Variants in ENO4 observed in about 807,000 individuals in gnomAD.
The protein encoded by ENO4 is 2-phospho-D-glycerate hydro-lyase.
Under a neutral mutation model 63.2 loss-of-function variants are expected in ENO4, and 53 were observed. The observed-to-expected ratio is 0.84, with a 90% CI of 0.67 to 1.05. The LOEUF (loss-of-function observed/expected upper bound fraction) is 1.05. ENO4 is among the 50% of genes least tolerant of loss of function. The pLI is 0.00. For missense variants in ENO4, 719 were observed against 772.0 expected (o/e 0.93, Z 0.81); for synonymous variants, 266 against 283.8 (o/e 0.94, Z 0.63).
chr10:116,906,664 C>A (rs1417621744), intron 10 of ENO4: 4 of 1,613,412 alleles, frequency 2.5e-6, no homozygotes, highest in Non-Finnish European at 2.5e-6. Flanking sequence ...TTCTGCGACG[C>A]AAAATCCTTT....
chr10:116,874,784 T>G (rs917227495), intron 10 of ENO4, among the ~76,000 whole-genome samples: 1 of 152,190 alleles, frequency 6.6e-6, no homozygotes, highest in African/African-American at 2.4e-5. Flanking sequence ...GTGATTCTCC[T>G]GCCTCAGCCT....
At chr10:116,906,468 A>G (rs1365390660) in intron 10 of ENO4, among the ~76,000 whole-genome samples, 1 of 152,252 alleles carries the variant, frequency 6.6e-6, no homozygotes, top group African/African-American at 2.4e-5. Context: ...TTCTTATGAG[A>G]TATCCATAAA....
intron 10 of ENO4, among the ~76,000 whole-genome samples, chr10:116,897,922 T>C (rs1847578940): frequency 6.6e-6 from 1 of 152,184 alleles, no homozygotes; most frequent in Non-Finnish European, 1.5e-5. Context: ...GTCTACAGGC[T>C]TTTATTGATT....
At chr10:116,896,906 A>C (rs1847542470) in intron 10 of ENO4, among the ~76,000 whole-genome samples, 1 of 151,134 alleles carries the variant, frequency 6.6e-6, no homozygotes, top group Non-Finnish European at 1.5e-5. Context: ...TCCTGGGTTC[A>C]AGCAATTCTC....
Position 116,874,066 on chromosome 10 carries a change from C to G in ENO4, c.1216-10C>G, listed in dbSNP as rs987055986. On this transcript the variant is annotated splice_polypyrimidine_tract_variant and intron_variant, in intron 9 of 13. Coordinates refer to ENST00000341276, the MANE Select transcript of ENO4 (RefSeq NM_001242699.2). ...ATCCCTTATTTTAATATTTTCCTGA[C>G]ACATATCAGAATAAAGGAAAGTATG... 2 of 1,531,616 alleles carry G rather than the reference C, an allele frequency of 1.3e-6. No individual in the cohort carries two copies. The highest frequency in any genetic ancestry group is 1.4e-5 in the African/African-American group (1 of 72,846). The allele number at this position is 1,531,616 out of a possible 1,614,324, so 94.9% of individuals were successfully genotyped here.
chr10:116,881,613 A>C lies in ENO4; in HGVS notation c.1822A>C (p.Thr608Pro), dbSNP rs1457797297. 6.4e-7 allele frequency: 1 copy of C among 1,550,434 alleles called. No individual in the cohort carries two copies. The highest frequency in any genetic ancestry group is 8.7e-7 in the Non-Finnish European group (1 of 1,146,912). Residue 608 changes from threonine to proline, a missense_variant, in exon 14 of 14, where the codon ACC becomes CCC. By Grantham distance (38) the Thr-to-Pro change is conservative (BLOSUM62 -1). Coordinates refer to ENST00000341276, the MANE Select transcript of ENO4 (RefSeq NM_001242699.2). ...AAAAREPLVP[T>P]FPTQGVEESA... is the part of the protein sequence containing the mutation. ...TGCGGCTAGGGAGCCGCTGGTGCCC[A>C]CCTTCCCCACACAAGGTGTAGAGGA...
intron 3 of ENO4, 67 bp downstream of exon 3, chr10:116,856,749 C>T: frequency 3.0e-6 from 4 of 1,346,956 alleles, no homozygotes; most frequent in Non-Finnish European, 3.9e-6. Context: ...CGCCTGTAAT[C>T]CCAGCACTTT....
intron 10 of ENO4, among the ~76,000 whole-genome samples, chr10:116,907,274 C>A (rs1848007636): frequency 6.6e-6 from 1 of 152,072 alleles, no homozygotes; most frequent in Non-Finnish European, 1.5e-5. Flanking sequence ...AGGGGCCGAC[C>A]CAAAGAAGGG....
chr10:116,866,514 A>G (rs556285717), intron 7 of ENO4, among the ~76,000 whole-genome samples: 79 of 152,222 alleles, frequency 5.2e-4, no homozygotes, highest in African/African-American at 1.8e-3. Context: ...TGGTTTCCTC[A>G]TCTGTACAAC....
chr10:116,860,939 T>C lies in ENO4; in HGVS notation c.780T>C (p.Asn260=), dbSNP rs1190870421. ...AMLLNKPLYL[N]IALLKHNQEQ... is the part of the protein sequence containing the mutation. ...TGCTTAATAAACCTCTGTACTTAAA[T>C]ATCGCTCTACTGAAGCACAATCAGG... Residue 260 remains asparagine (N), a synonymous_variant, in exon 5 of 14, where the codon AAT becomes AAC. Coordinates refer to ENST00000341276, the MANE Select transcript of ENO4 (RefSeq NM_001242699.2). The C allele has an allele frequency of 6.5e-7, 1 of 1,545,386 alleles. No homozygotes were observed. Among genetic ancestry groups the C allele is most frequent in the East Asian group, 2.5e-5 (1 of 40,792 alleles).
intron 10 of ENO4, chr10:116,900,508 G>A: frequency 6.7e-7 from 1 of 1,500,748 alleles, no homozygotes; most frequent in Non-Finnish European, 9.0e-7. Flanking sequence ...ACAAAAGGAG[G>A]AAGGAGTTGC....
At chr10:116,901,265 G>C in intron 10 of ENO4, 1 of 985,246 alleles carries the variant, frequency 1.0e-6, no homozygotes, top group Non-Finnish European at 1.2e-6. Context: ...CCACTCTGAA[G>C]CAAGTCTATA....
Position 116,879,939 on chromosome 10 carries a change from AC to A in ENO4, c.1678del (p.Arg560AlafsTer5). 6.4e-7 allele frequency: 1 copy of A among 1,550,770 alleles called. No homozygotes were observed. The highest frequency in any genetic ancestry group is 1.4e-5 in the African/African-American group (1 of 73,136). On this transcript the variant is annotated frameshift_variant, in exon 13 of 14. Transcript: ENST00000341276. LOFTEE classifies it low-confidence loss of function (END_TRUNC). ...LSRGERVTKY[N>X]RLLTIEEELV... ...CGTGGTGAACGAGTGACTAAATACA[AC>A]CGCCTTCTCACTATAGAGGAAGAAC... is the stretch of plus-strand genomic sequence containing the variant.
Position 116,874,123 on chromosome 10 carries a change from G to A in ENO4, c.1263G>A (p.Ala421=), listed in dbSNP as rs563640397. The change falls in exon 10 of 14, where the codon GCG becomes GCA. Residue 421 remains alanine (A), a synonymous_variant. Coordinates refer to ENST00000341276, the MANE Select transcript of ENO4 (RefSeq NM_001242699.2). Reference sequence around the variant, plus strand: ...TCATGGGCACATACAAAAATGCAGCGGAGATGGTTGACCTGTATGTGGATC... The same window carrying A: ...TCATGGGCACATACAAAAATGCAGCAGAGATGGTTGACCTGTATGTGGATC... ...EVIMGTYKNA[A]EMVDLYVDLI... The A allele has an allele frequency of 3.9e-5, 61 of 1,549,596 alleles. No homozygotes were observed. The highest frequency in any genetic ancestry group is 4.8e-5 in the South Asian group (4 of 83,900).
At chr10:116,885,352 T>A (rs1317171723), downstream of ENO4, 1 of 152,614 alleles carries the variant, frequency 6.6e-6, no homozygotes, top group African/African-American at 2.4e-5. Flanking sequence ...AAAAGCTGCA[T>A]AAGTTTTTTT....
At chr10:116,901,076 G>T in intron 10 of ENO4, 3 of 985,372 alleles carry the variant, frequency 3.0e-6, no homozygotes, top group Non-Finnish European at 3.6e-6. Flanking sequence ...GATCTGATTT[G>T]TCTCACCTCT....
rs531815882 is a variant in ENO4, at chr10:116,857,936, CA to C, written c.486-1052del. Among the ~76,000 whole-genome samples the C allele has an allele frequency of 9.8e-5, 15 of 152,318 alleles. No individual in the cohort carries two copies. In the South Asian group the frequency reaches 3.1e-3, roughly 32 times the overall value. ...AGAGGCATGAGCCACTGCGCCCAGC[CA>C]AGAAACTTTTTTGAATAGTTTTGGG... On this transcript the variant is annotated intron_variant, in intron 3 of 13. Coordinates refer to ENST00000341276, the MANE Select transcript of ENO4 (RefSeq NM_001242699.2).
chr10:116,906,847 TG>T (rs1323232811), intron 10 of ENO4: 1 of 991,180 alleles, frequency 1.0e-6, no homozygotes, highest in Non-Finnish European at 1.4e-6. Context: ...AGAATTTGAA[TG>T]GAATTATGAA....
At position 116,893,684 on chromosome 10, in the gene ENO4, C is replaced by T. The variant is rs7091691; in HGVS notation, c.1194+13698C>T. 6.0e-3 allele frequency among the ~76,000 whole-genome samples: 909 copies of T among 150,942 alleles called. 11 individuals carry two copies. Among genetic ancestry groups the T allele is most frequent in the African/African-American group, 0.021 (880 of 41,086 alleles). On this transcript the variant is annotated intron_variant, in intron 10 of 10. Coordinates refer to the ENO4 transcript ENST00000369207. Reference sequence around the variant, plus strand: ...GAACAAAATCCACTCCTTTCCATCCCAGGACTAAAAGAACTTCCCTAGTCT... The same window carrying T: ...GAACAAAATCCACTCCTTTCCATCCTAGGACTAAAAGAACTTCCCTAGTCT...
Sources: gnomAD v4.1 joint callset for allele counts (sites outside exome capture counted in the v4.1 genomes callset) on GRCh38, gnomAD v4.1.1 for gene constraint, MANE v1.5 for transcripts, NCBI Gene and HGNC (gene_info 2026-07-23, HGNC 2026-07-21) for gene names.